Variants in DNAH5 observed in about 807,000 individuals in gnomAD.
DNAH5 encodes the protein dynein axonemal heavy chain 5, also known as axonemal beta dynein heavy chain 5.
In DNAH5, 372 loss-of-function variants were observed where a neutral mutation model predicts 518.2. The ratio of observed to expected loss-of-function variants is 0.72; its 90% CI spans 0.66 to 0.78. The LOEUF (loss-of-function observed/expected upper bound fraction) is 0.78, where lower values mean the gene tolerates loss of function less well. Among genes scored for constraint, DNAH5 ranks in the 30% least tolerant of loss-of-function variants. The pLI is 0.00. For missense variants in DNAH5, 5,523 were observed against 5,687.0 expected (o/e 0.97, Z 0.93); for synonymous variants, 2,039 against 2,025.9 (o/e 1.01, Z -0.17).
At chr5:13,987,681 C>T (rs1013642576) in intron 1 of DNAH5, among the ~76,000 whole-genome samples, 1 of 151,652 alleles carries the variant, frequency 6.6e-6, no homozygotes. Context: ...GGTGAAACCC[C>T]GTCTCTACTA....
intron 1 of DNAH5, among the ~76,000 whole-genome samples, chr5:13,995,997 G>A (rs1290017625): frequency 6.6e-6 from 1 of 152,116 alleles, no homozygotes; most frequent in African/African-American, 2.4e-5. Context: ...CTACCATAAA[G>A]GAAGAAAGGT....
intron 12 of DNAH5, among the ~76,000 whole-genome samples, chr5:13,904,927 TGAAA>T (rs574148538): frequency 2.0e-5 from 3 of 149,494 alleles, no homozygotes; most frequent in Non-Finnish European, 4.5e-5. Flanking sequence ...GAAAAGAAAA[TGAAA>T]GAAAGAAAGA....
chr5:13,832,679 T>C (rs1348372359), intron 35 of DNAH5, among the ~76,000 whole-genome samples: 1 of 152,202 alleles, frequency 6.6e-6, no homozygotes, highest in Non-Finnish European at 1.5e-5. Flanking sequence ...TTCACACTTG[T>C]ACCCTCAACT....
rs201484389 is a variant in DNAH5 at position 13,844,912 on chromosome 5, C to G, written c.5196G>C (p.Ala1732=). Residue 1732 remains alanine, a synonymous_variant, in exon 32 of 79, where the codon GCG becomes GCC. Coordinates refer to ENST00000265104, the MANE Select transcript of DNAH5 (RefSeq NM_001369.3). ...GGGCCTGTATAGTGTGGGAGTCCGA[C>G]GCCTGCCCCAGAATCTCTAGAAGGG... ...DPALLEILGQ[A]SDSHTIQAHL... is the part of the protein sequence containing the mutation. 2 of 1,614,148 alleles carry G rather than the reference C, an allele frequency of 1.2e-6. No individual in the cohort carries two copies.
chr5:13,711,676 G>C (rs143093541), intron 75 of DNAH5, among the ~76,000 whole-genome samples: 2 of 152,182 alleles, frequency 1.3e-5, no homozygotes, highest in Non-Finnish European at 2.9e-5. Context: ...AAAGTTTCTA[G>C]ATACAAGATT....
intron 1 of DNAH5, among the ~76,000 whole-genome samples, chr5:13,990,518 A>G (rs1228096905): frequency 6.6e-6 from 1 of 151,848 alleles, no homozygotes; most frequent in East Asian, 1.9e-4. Flanking sequence ...GCACCACTGC[A>G]CTCCAGCCTG....
rs1031523588 is a variant in DNAH5 at position 13,864,580 on chromosome 5, C to T, written c.4413G>A (p.Lys1471=). 1 of 1,614,000 alleles carries T rather than the reference C, an allele frequency of 6.2e-7. No individual in the cohort carries two copies. The change falls in exon 28 of 79, where the codon AAG becomes AAA. Residue 1471 remains lysine (K), a synonymous_variant. Transcript: ENST00000265104. ...KDWQAFLDLK[K]IIDDFSECCP... ...AACACTCGCTGAAATCATCAATGATCTTCTTCAGGTCCAAAAAAGCCTGCC... is the reference window on the plus strand; with the variant it reads ...AACACTCGCTGAAATCATCAATGATTTTCTTCAGGTCCAAAAAAGCCTGCC...
rs1293915706 is a variant in DNAH5, at chr5:13,817,588, T to C, written c.6948A>G (p.Ile2316Met). 1 of 1,614,198 alleles carries C rather than the reference T, an allele frequency of 6.2e-7. No individual in the cohort carries two copies. The change falls in exon 42 of 79, where the codon ATA (isoleucine) becomes ATG (methionine). Residue 2316 changes from isoleucine to methionine, a missense_variant. Ile to Met is a conservative substitution (Grantham distance 10). Coordinates refer to ENST00000265104, the MANE Select transcript of DNAH5 (RefSeq NM_001369.3). ...ATGTTTTCCTCCAAAGCGTAGAAAA[T>C]ATCCCATCAGTCCAGTCATTTGTGG... Reference protein sequence around the residue: ...DVATNDWTDGIFSTLWRKTLR... With the variant: ...DVATNDWTDGMFSTLWRKTLR...
At chr5:13,880,437 A>G (rs981441457) in intron 21 of DNAH5, among the ~76,000 whole-genome samples, 2 of 152,126 alleles carry the variant, frequency 1.3e-5, no homozygotes, top group African/African-American at 4.8e-5. Flanking sequence ...TAAATCATTA[A>G]TATTTCCAGT....
At chr5:13,703,358 C>A (rs922282793) in intron 76 of DNAH5, among the ~76,000 whole-genome samples, 1 of 151,526 alleles carries the variant, frequency 6.6e-6, no homozygotes, top group African/African-American at 2.4e-5. Context: ...TTCCCTTTTA[C>A]AGATAAGGAA....
rs71600031 is a variant in DNAH5 at position 13,886,135 on chromosome 5, CAAA to C, written c.2578-9_2578-7del. ...GCACCATTTACACAAAGATCCTAAC[CAAA>C]AAAAAAAAAAAAAAAAGATAGCACA... On this transcript the variant is annotated splice_polypyrimidine_tract_variant and splice_region_variant and intron_variant, in intron 17 of 78. Transcript: ENST00000265104. 284,203 of 1,297,624 alleles carry C rather than the reference CAAA, an allele frequency of 0.22. 4,081 individuals are homozygous for C. The highest frequency in any genetic ancestry group is 0.27 in the Admixed American group (10,266 of 38,104). The allele number at this position is 1,297,624 out of a possible 1,614,324, so 80.4% of individuals were successfully genotyped here.
At chr5:13,903,430 T>C (rs901653865) in intron 12 of DNAH5, among the ~76,000 whole-genome samples, 8 of 151,836 alleles carry the variant, frequency 5.3e-5, no homozygotes, top group African/African-American at 1.9e-4. Flanking sequence ...GGCTGAGAAT[T>C]TTCCACAATT....
chr5:13,811,297 T>G (rs886172441), intron 44 of DNAH5, among the ~76,000 whole-genome samples: 12 of 152,350 alleles, frequency 7.9e-5, no homozygotes, highest in African/African-American at 2.9e-4. Context: ...AAATATCTCA[T>G]GTACCCCATA....
rs1765198066 is a variant in DNAH5, at chr5:13,841,776, C to T, written c.5400G>A (p.Leu1800=). The change falls in exon 33 of 79, where the codon TTG becomes TTA. Residue 1800 remains leucine, a synonymous_variant. Coordinates refer to ENST00000265104, the MANE Select transcript of DNAH5 (RefSeq NM_001369.3). ...NSLLEESQSS[L]HLVIRQAAAN... ...CGGCTGCCTGGCGAATCACAAGATGCAATGAGGACTGAGATTCTTCCAAAA... is the reference window on the plus strand; with the variant it reads ...CGGCTGCCTGGCGAATCACAAGATGTAATGAGGACTGAGATTCTTCCAAAA... 1 of 1,613,818 alleles carries T rather than the reference C, an allele frequency of 6.2e-7. No individual in the cohort carries two copies. Among genetic ancestry groups the T allele is most frequent in the Non-Finnish European group, 8.5e-7 (1 of 1,179,890 alleles).
At chr5:13,722,925 A>T (rs1745247029) in intron 70 of DNAH5, among the ~76,000 whole-genome samples, 1 of 152,208 alleles carries the variant, frequency 6.6e-6, no homozygotes, top group Non-Finnish European at 1.5e-5. Context: ...TTCCCAAAGG[A>T]ACAAGAAATG....
At chr5:13,998,055 G>A (rs1003436842) in intron 1 of DNAH5, among the ~76,000 whole-genome samples, 3 of 152,076 alleles carry the variant, frequency 2.0e-5, no homozygotes, top group Non-Finnish European at 4.4e-5. Flanking sequence ...TGTTGGCCAG[G>A]CTGGTCTTGA....
chr5:13,971,147 A>G (rs1781835886), intron 1 of DNAH5, among the ~76,000 whole-genome samples: 1 of 151,796 alleles, frequency 6.6e-6, no homozygotes, highest in Non-Finnish European at 1.5e-5. Context: ...ATTGTTTCCT[A>G]TTTAGGCTAT....
At chr5:13,778,215 C>A (rs1469712003) in intron 53 of DNAH5, among the ~76,000 whole-genome samples, 1 of 151,988 alleles carries the variant, frequency 6.6e-6, no homozygotes, top group Non-Finnish European at 1.5e-5. Flanking sequence ...GGAAATATCA[C>A]AACTATGCAT....
intron 47 of DNAH5, among the ~76,000 whole-genome samples, chr5:13,801,921 CTTAT>C (rs1416807635): frequency 6.6e-6 from 1 of 151,902 alleles, no homozygotes; most frequent in Non-Finnish European, 1.5e-5. Context: ...TTATGGGATC[CTTAT>C]TTATATATTT....
Sources: gnomAD v4.1 joint callset for allele counts (sites outside exome capture counted in the v4.1 genomes callset) on GRCh38, gnomAD v4.1.1 for gene constraint, MANE v1.5 for transcripts, NCBI Gene and HGNC (gene_info 2026-07-23, HGNC 2026-07-21) for gene names.